Variants in REXO1 observed in about 807,000 individuals in gnomAD.
The protein encoded by REXO1 is REX1, RNA exonuclease 1 homolog.
Under a neutral mutation model 102.6 loss-of-function variants are expected in REXO1, and 42 were observed. The observed-to-expected ratio is 0.41, with a 90% CI of 0.32 to 0.53. The LOEUF is 0.53. Ranked by LOEUF, REXO1 falls within the 20% of genes least tolerant of loss-of-function variation. The pLI is 0.27. For missense variants in REXO1, 1,819 were observed against 1,732.5 expected, an observed-to-expected ratio of 1.05 and a Z score of -0.89; for synonymous variants, 908 against 779.1, an observed-to-expected ratio of 1.17 and a Z score of -2.76.
chr19:1,833,748 G>A (rs1407306722), intron 1 of REXO1, among the ~76,000 whole-genome samples: 1 of 152,256 alleles, frequency 6.6e-6, no homozygotes, highest in Non-Finnish European at 1.5e-5. Context: ...GGTGAACAGG[G>A]CAACTAGTGC....
rs1038732092 is a variant in REXO1 at position 1,828,516 on chromosome 19, G to A, written c.273C>T (p.Val91=). Residue 91 remains valine, a synonymous_variant, in exon 2 of 16, where the codon GTC becomes GTT. Coordinates refer to ENST00000170168, the MANE Select transcript of REXO1 (RefSeq NM_020695.4). Reference sequence around the variant, plus strand: ...TGCGCACGGCCTCGATGGCCTGGTTGACCAGCTCCAACTCCAGCACATCCG... The same window carrying A: ...TGCGCACGGCCTCGATGGCCTGGTTAACCAGCTCCAACTCCAGCACATCCG... ...PRPDVLELEL[V]NQAIEAVRSE... 6.2e-7 allele frequency: 1 copy of A among 1,604,814 alleles called. No homozygotes were observed. Among genetic ancestry groups the A allele is most frequent in the Non-Finnish European group, 8.5e-7 (1 of 1,179,842 alleles).
At chr19:1,825,400 G>C (rs1056122808) in intron 3 of REXO1, among the ~76,000 whole-genome samples, 1 of 151,846 alleles carries the variant, frequency 6.6e-6, no homozygotes, top group Non-Finnish European at 1.5e-5. Context: ...CCAACGCTGG[G>C]AAGCCGAGGC....
In REXO1 at chr19:1,825,835, T is replaced by A; in HGVS notation, c.2016+4A>T. 1 of 1,588,192 alleles carries A rather than the reference T, an allele frequency of 6.3e-7. No homozygotes were observed. Among genetic ancestry groups the A allele is most frequent in the Non-Finnish European group, 8.6e-7 (1 of 1,157,888 alleles). On this transcript the variant is annotated splice_donor_region_variant and intron_variant, in intron 3 of 15. Coordinates refer to ENST00000170168, the MANE Select transcript of REXO1 (RefSeq NM_020695.4). ...CCTGCTGGCCTGGCCTCTGCGGACC[T>A]TACCTCCTGGCCTTGCTTGGAAAGG... is the stretch of plus-strand genomic sequence containing the variant.
chr19:1,833,623 G>C (rs1245497125), intron 1 of REXO1, among the ~76,000 whole-genome samples: 1 of 152,150 alleles, frequency 6.6e-6, no homozygotes, highest in Non-Finnish European at 1.5e-5. Flanking sequence ...CCAGGGGGAG[G>C]GCTGCGGAGG....
At chr19:1,832,127 G>A (rs1056141070) in intron 1 of REXO1, among the ~76,000 whole-genome samples, 1 of 152,190 alleles carries the variant, frequency 6.6e-6, no homozygotes, top group Non-Finnish European at 1.5e-5. Context: ...GAGGGTGAGA[G>A]TCAGAGAGAC....
At chr19:1,840,462 C>T (rs755521037) in intron 1 of REXO1, among the ~76,000 whole-genome samples, 12 of 152,128 alleles carry the variant, frequency 7.9e-5, no homozygotes, top group Non-Finnish European at 1.8e-4. Flanking sequence ...TGAGCCCCAT[C>T]GGCGGCAAGC....
intron 1 of REXO1, among the ~76,000 whole-genome samples, chr19:1,845,268 G>A (rs1051222999): frequency 6.6e-6 from 1 of 152,178 alleles, no homozygotes; most frequent in Non-Finnish European, 1.5e-5. Flanking sequence ...GCCCCTCTAG[G>A]CCGGGGATGC....
In REXO1 at chr19:1,824,242, C is replaced by T. The variant is rs142595585; in HGVS notation, c.2017-457G>A. On this transcript the variant is annotated intron_variant, in intron 3 of 15. Coordinates refer to ENST00000170168, the MANE Select transcript of REXO1 (RefSeq NM_020695.4). ...GGGGCCTGACAAGCGCTACTGTCTCCGGGCTACAGAGGACACTGGAGCTCA... is the reference window on the plus strand; with the variant it reads ...GGGGCCTGACAAGCGCTACTGTCTCTGGGCTACAGAGGACACTGGAGCTCA... The T allele has an allele frequency of 4.7e-3, 727 of 154,672 alleles. 3 individuals are homozygous for T. Among genetic ancestry groups the T allele is most frequent in the Non-Finnish European group, 7.6e-3 (527 of 69,688 alleles). 9.6% of individuals were successfully genotyped at this position (154,672 alleles called of 1,614,324 possible). A position where few individuals can be genotyped will look rare whatever the true frequency, so the allele number is the denominator to read the frequency against.
At chr19:1,847,436 G>C (rs2011595465) in intron 1 of REXO1, among the ~76,000 whole-genome samples, 1 of 152,204 alleles carries the variant, frequency 6.6e-6, no homozygotes, top group Non-Finnish European at 1.5e-5. Context: ...TCAAGGGACA[G>C]AGGTAACAGG....
In REXO1 at chr19:1,815,605, G is replaced by C; in HGVS notation, c.*461C>G. On this transcript the variant is annotated 3_prime_UTR_variant, in exon 16 of 16. Coordinates refer to ENST00000170168, the MANE Select transcript of REXO1 (RefSeq NM_020695.4). The surrounding 1 kb of genome is among the most constrained non-coding windows in gnomAD (Gnocchi z 4.0). ...GCAGCAGGCCCGCTCTTCCCGGTGG[G>C]AAAGATGCTGTGCAAGTCATCAGGT... 9.7e-7 allele frequency: 1 copy of C among 1,030,702 alleles called. No individual in the cohort carries two copies. Among genetic ancestry groups the C allele is most frequent in the East Asian group, 6.7e-5 (1 of 14,942 alleles). 63.8% of individuals were successfully genotyped at this position (1,030,702 alleles called of 1,614,324 possible).
At position 1,816,428 on chromosome 19, in the gene REXO1, C is replaced by T. The variant is rs1277524474; in HGVS notation, c.3456+3G>A. On this transcript the variant is annotated splice_donor_region_variant and intron_variant, in intron 14 of 15. Transcript: ENST00000170168. ...CCGCGCGGGACCCGGGCCGGCAGGG[C>T]ACCTTCAGGGCCAGGAGGTCGCTCT... 1 of 1,610,832 alleles carries T rather than the reference C, an allele frequency of 6.2e-7. No individual in the cohort carries two copies. Among genetic ancestry groups the T allele is most frequent in the Non-Finnish European group, 8.5e-7 (1 of 1,178,942 alleles).
At chr19:1,835,054 C>A in intron 1 of REXO1, 1 of 368,658 alleles carries the variant, frequency 2.7e-6, no homozygotes. Flanking sequence ...GCCTGCAGCT[C>A]AGAACAGGGG....
Position 1,815,793 on chromosome 19 carries a change from G to T in REXO1, c.*273C>A, listed in dbSNP as rs1005845620. ...GGGCAGGAGGGGCTGCGGGCCGGGT[G>T]GGGGCGGGCTCTGTCCTGGTCTCCA... On this transcript the variant is annotated 3_prime_UTR_variant, in exon 16 of 16. Coordinates refer to ENST00000170168, the MANE Select transcript of REXO1 (RefSeq NM_020695.4). This position sits in a 1 kb window ranked among gnomAD's most constrained non-coding sequence, Gnocchi z 4.0. 6.8e-7 allele frequency: 1 copy of T among 1,460,800 alleles called. No individual in the cohort carries two copies. Among genetic ancestry groups the T allele is most frequent in the Admixed American group, 2.1e-5 (1 of 46,728 alleles). The allele number at this position is 1,460,800 out of a possible 1,614,324, so 90.5% of individuals were successfully genotyped here. A position where few individuals can be genotyped will look rare whatever the true frequency, so the allele number is the denominator to read the frequency against.
In REXO1 at chr19:1,827,674, T is replaced by G; in HGVS notation, c.1115A>C (p.Lys372Thr). 6.4e-7 allele frequency: 1 copy of G among 1,567,122 alleles called. No individual in the cohort carries two copies. The highest frequency in any genetic ancestry group is 8.5e-7 in the Non-Finnish European group (1 of 1,171,276). Residue 372 changes from lysine to threonine, a missense_variant, in exon 2 of 16, where the codon AAG becomes ACG. Transcript: ENST00000170168. ...TTTTTTCTTCTTGGGTTTTCCCTCC[T>G]TGGGGCAGCCCCCATCCTGTGAGGA... The part of the protein sequence containing the change: ...VQSSQDGGCP[K>T]EGKPKKKKTG...
Position 1,827,995 on chromosome 19 carries a change from C to T in REXO1, c.794G>A (p.Ser265Asn), listed in dbSNP as rs1223846583. 8.1e-6 allele frequency: 13 copies of T among 1,613,150 alleles called. No homozygotes were observed. The highest frequency in any genetic ancestry group is 1.1e-5 in the Non-Finnish European group (13 of 1,179,768). ...CTTGGGAGCAGGTGTGTAGGGCTCA[C>T]TGCCGCGGGAGCCCCGGGGCCGCTT... is the stretch of plus-strand genomic sequence containing the variant. ...AAKRPRGSRG[S>N]EPYTPAPKKL... The change falls in exon 2 of 16, where the codon AGT (serine) becomes AAT (asparagine). Residue 265 changes from serine to asparagine, a missense_variant. Coordinates refer to ENST00000170168, the MANE Select transcript of REXO1 (RefSeq NM_020695.4).
chr19:1,833,302 G>A (rs1170992560), intron 1 of REXO1, among the ~76,000 whole-genome samples: 4 of 152,240 alleles, frequency 2.6e-5, no homozygotes, highest in Non-Finnish European at 5.9e-5. Context: ...GGAACTCCGC[G>A]GGACTGTGTG....
rs1463540076 is a variant in REXO1 at position 1,818,857 on chromosome 19, C to T, written c.2765-14G>A. ...ACAGGGCAGCCCCTGTGGACAGGCACAGTGGTCAGCCCCTGCCTGGGATGG... is the reference window on the plus strand; with the variant it reads ...ACAGGGCAGCCCCTGTGGACAGGCATAGTGGTCAGCCCCTGCCTGGGATGG... On this transcript the variant is annotated splice_polypyrimidine_tract_variant and intron_variant, in intron 8 of 15. Transcript: ENST00000170168. The T allele has an allele frequency of 6.2e-7, 1 of 1,608,570 alleles. No homozygotes were observed. The highest frequency in any genetic ancestry group is 8.5e-7 in the Non-Finnish European group (1 of 1,179,176).
chr19:1,848,104 A>G (rs1165490852), intron 1 of REXO1, 98 bp downstream of exon 1: 9 of 557,986 alleles, frequency 1.6e-5, no homozygotes, highest in Non-Finnish European at 2.4e-5. Flanking sequence ...TGTGGGGAGG[A>G]GGCTGGGCCG....
In REXO1 at chr19:1,817,748, A is replaced by G; in HGVS notation, c.3049T>C (p.Cys1017Arg). ...CCGACAGAGCCGGCGGCAGCCGAGC[A>G]GCACATGTACTGGGTCTCCCAGCCT... ...AGGWETQYMCCSAAAGSVGCQ... is the reference protein window; with the variant it reads ...AGGWETQYMCRSAAAGSVGCQ... The change falls in exon 11 of 16, where the codon TGC becomes CGC. Residue 1017 changes from cysteine to arginine, a missense_variant. Physicochemically the swap from Cys to Arg is radical, Grantham distance 180 (BLOSUM62 -3). Coordinates refer to ENST00000170168, the MANE Select transcript of REXO1 (RefSeq NM_020695.4). The G allele has an allele frequency of 6.2e-7, 1 of 1,612,524 alleles. No homozygotes were observed. The highest frequency in any genetic ancestry group is 8.5e-7 in the Non-Finnish European group (1 of 1,179,788).
Sources: gnomAD v4.1 joint callset for allele counts (sites outside exome capture counted in the v4.1 genomes callset) on GRCh38, gnomAD v4.1.1 for gene constraint, Gnocchi (gnomAD v3.1) non-coding constraint, MANE v1.5 for transcripts, NCBI Gene and HGNC (gene_info 2026-07-23, HGNC 2026-07-21) for gene names.